GRIN2B: variants seen among roughly 807,000 people sequenced by gnomAD.
GRIN2B encodes the protein glutamate ionotropic receptor NMDA type subunit 2B.
A neutral mutation model predicts 114.5 loss-of-function variants in GRIN2B; 5 were observed. The observed-to-expected ratio is 0.04, with a 90% confidence interval of 0.02 to 0.09. The LOEUF is 0.09. Among genes scored for constraint, GRIN2B ranks in the 10% least tolerant of loss-of-function variants. The pLI, the probability that GRIN2B is intolerant of heterozygous loss-of-function variation, is 1.00. For synonymous variants in GRIN2B, 787 were observed against 745.1 expected (o/e 1.06, Z -0.92); for missense variants, 1,108 against 1,943.5 (o/e 0.57, Z 8.08).
intron 4 of GRIN2B, among the ~76,000 whole-genome samples, chr12:13,705,875 T>G (rs1005374567): frequency 6.6e-6 from 1 of 152,084 alleles, no homozygotes; most frequent in Non-Finnish European, 1.5e-5. Context: ...TGACGAGAGT[T>G]TGGCTTCACA....
At chr12:13,903,289 TCTC>T (rs1164618315) in intron 2 of GRIN2B, among the ~76,000 whole-genome samples, 8 of 152,138 alleles carry the variant, frequency 5.3e-5, no homozygotes, top group Admixed American at 4.6e-4. Context: ...TTAATTTTAT[TCTC>T]CTCCTAACTT....
At chr12:13,581,447 C>G (rs55995603) in intron 10 of GRIN2B, among the ~76,000 whole-genome samples, 8 of 152,066 alleles carry the variant, frequency 5.3e-5, no homozygotes, top group African/African-American at 1.9e-4. Context: ...GCAGGAAGCA[C>G]CCTCTCTCCT....
At chr12:13,586,777 A>G (rs544316584) in intron 10 of GRIN2B, among the ~76,000 whole-genome samples, 1 of 152,196 alleles carries the variant, frequency 6.6e-6, no homozygotes, top group Non-Finnish European at 1.5e-5. Context: ...TCTTATCTAC[A>G]TTACCCTCTC....
intron 4 of GRIN2B, among the ~76,000 whole-genome samples, chr12:13,748,339 T>C (rs529717197): frequency 4.2e-4 from 64 of 152,210 alleles, no homozygotes; most frequent in Non-Finnish European, 6.3e-4. Context: ...CACAGAGGTA[T>C]GTGGCAGGTG....
intron 2 of GRIN2B, among the ~76,000 whole-genome samples, chr12:13,887,639 T>C (rs1866187411): frequency 6.6e-6 from 1 of 152,230 alleles, no homozygotes; most frequent in Non-Finnish European, 1.5e-5. Context: ...TTTGGGGATT[T>C]ATTTCAGTCT....
intron 10 of GRIN2B, among the ~76,000 whole-genome samples, chr12:13,574,837 T>A (rs2136419479): frequency 6.6e-6 from 1 of 152,306 alleles, no homozygotes; most frequent in Admixed American, 6.5e-5. Flanking sequence ...ACTTTAAGAT[T>A]CATTATAAAG....
chr12:13,583,974 C>G (rs1805472), intron 10 of GRIN2B, among the ~76,000 whole-genome samples: 35,892 of 151,974 alleles, frequency 0.24, 4,823 homozygotes, highest in East Asian at 0.42. Flanking sequence ...CTACTAAGAG[C>G]CTGGACTATT....
At chr12:13,904,312 T>C (rs1213529178) in intron 2 of GRIN2B, among the ~76,000 whole-genome samples, 1 of 152,094 alleles carries the variant, frequency 6.6e-6, no homozygotes. Context: ...GTTTCTGGTG[T>C]CTTAGTGATT....
rs1290777556 is a variant in GRIN2B, at chr12:13,806,781, T to A, written c.412-52866A>T. ...GCTCATGCTTTGGGGATCATATTTTTAAAAAATCTTTGCCCAAATCAGTGT... is the reference window on the plus strand; with the variant it reads ...GCTCATGCTTTGGGGATCATATTTTAAAAAAATCTTTGCCCAAATCAGTGT... On this transcript the variant is annotated intron_variant, in intron 3 of 13. Coordinates refer to ENST00000609686, the MANE Select transcript of GRIN2B (RefSeq NM_000834.5). 2.0e-5 allele frequency among the ~76,000 whole-genome samples: 3 copies of A among 152,168 alleles called. No individual in the cohort carries two copies. In the East Asian group the frequency reaches 5.8e-4, roughly 29 times the overall value.
chr12:13,564,471 C>T lies in GRIN2B; in HGVS notation c.2767G>A (p.Asp923Asn). ...ACGGATGACTCCCGTCGGATGAAGT[C>T]CAGGGCGCTCTGCGGTGAGCCATTC... ...GVNGSPQSALDFIRRESSVYD... is the reference protein window; with the variant it reads ...GVNGSPQSALNFIRRESSVYD... The change falls in exon 14 of 14, where the codon GAC becomes AAC. Residue 923 changes from aspartate to asparagine, a missense_variant. Around this residue, in one of 19 missense-constraint regions of GRIN2B, gnomAD observed 140 missense variants for 187.5 expected, o/e 0.75. Coordinates refer to ENST00000609686, the MANE Select transcript of GRIN2B (RefSeq NM_000834.5). This position sits in a 1 kb window ranked among gnomAD's most constrained non-coding sequence, Gnocchi z 4.8. 6.2e-7 allele frequency: 1 copy of T among 1,614,246 alleles called. No individual in the cohort carries two copies. Among genetic ancestry groups the T allele is most frequent in the South Asian group, 1.1e-5 (1 of 91,088 alleles).
intron 2 of GRIN2B, among the ~76,000 whole-genome samples, chr12:13,919,217 G>A (rs1866783419): frequency 6.6e-6 from 1 of 152,178 alleles, no homozygotes; most frequent in Non-Finnish European, 1.5e-5. Flanking sequence ...GAGTTAGAGT[G>A]TGTATGTTCA....
intron 2 of GRIN2B, among the ~76,000 whole-genome samples, chr12:13,913,036 C>T (rs1411458740): frequency 6.6e-6 from 1 of 152,110 alleles, no homozygotes; most frequent in South Asian, 2.1e-4. Flanking sequence ...GCTCCCCAAG[C>T]ATGCCCCCCA....
At chr12:13,639,220 C>G (rs945138872) in intron 5 of GRIN2B, among the ~76,000 whole-genome samples, 1 of 152,116 alleles carries the variant, frequency 6.6e-6, no homozygotes, top group Non-Finnish European at 1.5e-5. Flanking sequence ...AAGATCCCAG[C>G]AGAATTTCAG....
chr12:13,831,641 A>G (rs1245497917), intron 3 of GRIN2B, among the ~76,000 whole-genome samples: 3 of 152,232 alleles, frequency 2.0e-5, no homozygotes, highest in Non-Finnish European at 2.9e-5. Flanking sequence ...GAAGAAAAAG[A>G]GGCTCATGTG....
rs978855733 is a variant in GRIN2B, at chr12:13,947,315, C to T, written c.-19+32613G>A. 2.0e-5 allele frequency among the ~76,000 whole-genome samples: 3 copies of T among 152,248 alleles called. No homozygotes were observed. The East Asian group carries it at 5.8e-4, about 29-fold the overall frequency. ...CCATTGATAGGAAAAAACTGAGGCT[C>T]GCCATGTGAATTGTCCTTGGATTAT... is the stretch of plus-strand genomic sequence containing the variant. On this transcript the variant is annotated intron_variant, in intron 2 of 13. Transcript: ENST00000609686.
At chr12:13,605,364 G>GA (rs923762849) in intron 10 of GRIN2B, among the ~76,000 whole-genome samples, 2 of 151,906 alleles carry the variant, frequency 1.3e-5, no homozygotes, top group African/African-American at 4.8e-5. Context: ...AAAAAGTGGG[G>GA]AAAAAAGCCT....
At position 13,768,867 on chromosome 12, in the gene GRIN2B, T is replaced by A. The variant is rs150025314; in HGVS notation, c.412-14952A>T. Among the ~76,000 whole-genome samples the A allele has an allele frequency of 6.9e-3, 1,043 of 152,246 alleles. 11 individuals are homozygous for A. Among genetic ancestry groups the A allele is most frequent in the African/African-American group, 0.024 (998 of 41,562 alleles). On this transcript the variant is annotated intron_variant, in intron 3 of 13. Coordinates refer to ENST00000609686, the MANE Select transcript of GRIN2B (RefSeq NM_000834.5). ...GGCTAACACGGTGAAACACCGTCTC[T>A]ACTAAAAATACAAAAAATTAGCCTG... is the stretch of plus-strand genomic sequence containing the variant.
chr12:13,781,635 C>T (rs1050328507), intron 3 of GRIN2B, among the ~76,000 whole-genome samples: 6 of 152,180 alleles, frequency 3.9e-5, no homozygotes, highest in Non-Finnish European at 7.4e-5. Context: ...ATGTATAATG[C>T]ACCCAGAGGC....
At chr12:13,703,067 G>T (rs1565506350) in intron 4 of GRIN2B, among the ~76,000 whole-genome samples, 1 of 152,146 alleles carries the variant, frequency 6.6e-6, no homozygotes, top group Non-Finnish European at 1.5e-5. Context: ...GTGCCATGTG[G>T]GTTAAACTGT....
Sources: gnomAD v4.1 joint callset for allele counts (sites outside exome capture counted in the v4.1 genomes callset) on GRCh38, gnomAD v4.1.1 for gene constraint, gnomAD v4.1.1 regional missense constraint, Gnocchi (gnomAD v3.1) non-coding constraint, MANE v1.5 for transcripts, NCBI Gene and HGNC (gene_info 2026-07-23, HGNC 2026-07-21) for gene names.